FASLG: variants seen among roughly 807,000 people sequenced by gnomAD.
FASLG encodes the protein tumor necrosis factor ligand superfamily member 6.
Under a neutral mutation model 24.6 loss-of-function variants are expected in FASLG, and 9 were observed. The observed-to-expected ratio is 0.37, with a 90% CI of 0.22 to 0.64. The LOEUF is 0.64. Ranked by LOEUF, FASLG falls within the 30% of genes least tolerant of loss-of-function variation. The pLI, the probability that FASLG is intolerant of heterozygous loss-of-function variation, is 0.64. For synonymous variants in FASLG, 130 were observed against 135.5 expected (o/e 0.96, Z 0.28); for missense variants, 306 against 345.3 (o/e 0.89, Z 0.90).
At chr1:172,661,808 C>G (rs1659148724) in intron 2 of FASLG, among the ~76,000 whole-genome samples, 1 of 151,622 alleles carries the variant, frequency 6.6e-6, no homozygotes, top group Non-Finnish European at 1.5e-5. Context: ...GAGAAAAGTG[C>G]CTGTGCAAAC....
Position 172,665,499 on chromosome 1 carries a change from A to G in FASLG, c.452-123A>G, listed in dbSNP as rs1659238740. Reference sequence around the variant, plus strand: ...AAGTTCTGACCCCTCAGCCAGTTCTATACCAGCTGTCATTCTGGGTGAAAC... The same window carrying G: ...AAGTTCTGACCCCTCAGCCAGTTCTGTACCAGCTGTCATTCTGGGTGAAAC... On this transcript the variant is annotated intron_variant, in intron 3 of 3. Coordinates refer to ENST00000367721, the MANE Select transcript of FASLG (RefSeq NM_000639.3). 6 of 1,123,338 alleles carry G rather than the reference A, an allele frequency of 5.3e-6. No homozygotes were observed. The African/African-American group carries it at 6.1e-5, about 11-fold the overall frequency. The allele number at this position is 1,123,338 out of a possible 1,614,324, so 69.6% of individuals were successfully genotyped here. A position where few individuals can be genotyped will look rare whatever the true frequency, so the allele number is the denominator to read the frequency against.
At position 172,659,158 on chromosome 1, in the gene FASLG, G is replaced by A; in HGVS notation, c.-44G>A. 1 of 1,613,640 alleles carries A rather than the reference G, an allele frequency of 6.2e-7. No homozygotes were observed. Among genetic ancestry groups the A allele is most frequent in the Non-Finnish European group, 8.5e-7 (1 of 1,179,842 alleles). ...ACCTCAGCCTCTACAGGACTGAGAA[G>A]AAGTAAAACCGTTTGCTGGGGCTGG... is the stretch of plus-strand genomic sequence containing the variant. On this transcript the variant is annotated 5_prime_UTR_variant, in exon 1 of 4. Transcript: ENST00000367721.
intron 2 of FASLG, among the ~76,000 whole-genome samples, chr1:172,661,495 A>G (rs1659138918): frequency 6.6e-6 from 1 of 152,204 alleles, no homozygotes. Flanking sequence ...AAATAAGATC[A>G]TTTTGAAAAT....
chr1:172,661,617 C>G (rs1326554432), intron 2 of FASLG, among the ~76,000 whole-genome samples: 1 of 152,076 alleles, frequency 6.6e-6, no homozygotes, highest in African/African-American at 2.4e-5. Flanking sequence ...ATCCATCTAC[C>G]CCAGTAAGCA....
At chr1:172,660,960 G>T (rs1487697909) in intron 2 of FASLG, among the ~76,000 whole-genome samples, 1 of 152,196 alleles carries the variant, frequency 6.6e-6, no homozygotes, top group Non-Finnish European at 1.5e-5. Flanking sequence ...GTGGAAGGAA[G>T]CTTAGAATAT....
Position 172,666,617 on chromosome 1 carries a change from GT to G in FASLG, c.*602del, listed in dbSNP as rs1659275419. 2 of 68,444 alleles carry G rather than the reference GT, an allele frequency of 2.9e-5. No individual in the cohort carries two copies. Among genetic ancestry groups the G allele is most frequent in the South Asian group, 3.6e-4 (1 of 2,762 alleles). 4.2% of individuals were successfully genotyped at this position (68,444 alleles called of 1,614,324 possible). A position where few individuals can be genotyped will look rare whatever the true frequency, so the allele number is the denominator to read the frequency against. On this transcript the variant is annotated 3_prime_UTR_variant, in exon 4 of 4. Coordinates refer to ENST00000367721, the MANE Select transcript of FASLG (RefSeq NM_000639.3). ...GTGTATTTCCAGTGCAATTGTAGGG[GT>G]GTGTGTGTGTGTGTGTGTGTGTGTG...
intron 3 of FASLG, among the ~76,000 whole-genome samples, chr1:172,665,036 A>C (rs1176099347): frequency 6.6e-6 from 1 of 152,264 alleles, no homozygotes; most frequent in Non-Finnish European, 1.5e-5. Context: ...GGGGATGTGA[A>C]GATGAGTAGC....
At chr1:172,665,129 G>C (rs748332372) in intron 3 of FASLG, among the ~76,000 whole-genome samples, 1 of 152,138 alleles carries the variant, frequency 6.6e-6, no homozygotes, top group Non-Finnish European at 1.5e-5. Flanking sequence ...CAGAGATTTA[G>C]GTTATGTTCA....
In FASLG at chr1:172,666,855, G is replaced by A. The variant is rs976181899; in HGVS notation, c.*839G>A. 4.6e-5 allele frequency: 7 copies of A among 152,312 alleles called. No individual in the cohort carries two copies. Among genetic ancestry groups the A allele is most frequent in the Non-Finnish European group, 8.8e-5 (6 of 68,016 alleles). The allele number at this position is 152,312 out of a possible 1,614,324, so 9.4% of individuals were successfully genotyped here. A position where few individuals can be genotyped will look rare whatever the true frequency, so the allele number is the denominator to read the frequency against. On this transcript the variant is annotated 3_prime_UTR_variant, in exon 4 of 4. Transcript: ENST00000367721. The stretch of plus-strand genomic sequence containing the variant: ...GTGAAATGAAAACATGTAATAAAAA[G>A]TATATGTTAGGATACAAATAATTTT...
chr1:172,662,620 T>A (rs983112339), intron 2 of FASLG, among the ~76,000 whole-genome samples: 6 of 147,330 alleles, frequency 4.1e-5, no homozygotes. Context: ...GCTGTGTGCA[T>A]GTGCTGTGGA....
Position 172,659,437 on chromosome 1 carries a change from C to A in FASLG, c.236C>A (p.Thr79Lys), listed in dbSNP as rs375593395. 4 of 1,613,814 alleles carry A rather than the reference C, an allele frequency of 2.5e-6. No homozygotes were observed. The African/African-American group carries it at 4.0e-5, about 16-fold the overall frequency. Reference sequence around the variant, plus strand: ...CTGAAGAAGAGAGGGAACCACAGCACAGGCCTGTGTCTCCTTGTGATGTTT... The same window carrying A: ...CTGAAGAAGAGAGGGAACCACAGCAAAGGCCTGTGTCTCCTTGTGATGTTT... The part of the protein sequence containing the change: ...PPLKKRGNHS[T>K]GLCLLVMFFM... Residue 79 changes from threonine (T) to lysine (K), a missense_variant, in exon 1 of 4, where the codon ACA becomes AAA. Coordinates refer to ENST00000367721, the MANE Select transcript of FASLG (RefSeq NM_000639.3).
intron 3 of FASLG, among the ~76,000 whole-genome samples, chr1:172,664,941 G>T (rs1659227430): frequency 6.6e-6 from 1 of 152,206 alleles, no homozygotes; most frequent in Non-Finnish European, 1.5e-5. Flanking sequence ...GTAGGCTATT[G>T]TCCCTGGAAT....
In FASLG at chr1:172,666,153, G is replaced by A. The variant is rs951960740; in HGVS notation, c.*137G>A. On this transcript the variant is annotated 3_prime_UTR_variant, in exon 4 of 4. Coordinates refer to ENST00000367721, the MANE Select transcript of FASLG (RefSeq NM_000639.3). ...ACCAAGTGGACCTTGAGACCACAGG[G>A]TTCAAAATGTCTGTAGCTCCTCAAC... The A allele has an allele frequency of 6.1e-6, 6 of 987,354 alleles. No homozygotes were observed. Among genetic ancestry groups the A allele is most frequent in the Non-Finnish European group, 9.1e-6 (6 of 658,682 alleles). The allele number at this position is 987,354 out of a possible 1,614,324, so 61.2% of individuals were successfully genotyped here. A position where few individuals can be genotyped will look rare whatever the true frequency, so the allele number is the denominator to read the frequency against.
At chr1:172,659,915 G>A (rs1256502424) in intron 1 of FASLG, among the ~76,000 whole-genome samples, 180 bp from the exon 2 acceptor site, 3 of 152,116 alleles carry the variant, frequency 2.0e-5, no homozygotes, top group Non-Finnish European at 4.4e-5. Context: ...AAATTGGTAC[G>A]ATTCCAAATC....
In FASLG at chr1:172,665,966, C is replaced by T. The variant is rs35178418; in HGVS notation, c.796C>T (p.Leu266=). 3.5e-5 allele frequency: 57 copies of T among 1,614,046 alleles called. No individual in the cohort carries two copies. In the African/African-American group the frequency reaches 6.8e-4, roughly 19 times the overall value. ...ATATGTCAACGTATCTGAGCTCTCT[C>T]TGGTCAATTTTGAGGAATCTCAGAC... ...HLYVNVSELS[L]VNFEESQTFF... Residue 266 remains leucine (L), a synonymous_variant, in exon 4 of 4, where the codon CTG becomes TTG. Coordinates refer to ENST00000367721, the MANE Select transcript of FASLG (RefSeq NM_000639.3).
rs114462335 is a variant in FASLG, at chr1:172,660,663, G to T, written c.394+523G>T. ...ATAATCAATTCCCCACATTAGAATG[G>T]TTTTTCTTGAAGTCACTGAGAAGCT... On this transcript the variant is annotated intron_variant, in intron 2 of 3. Transcript: ENST00000367721. Among the ~76,000 whole-genome samples the T allele has an allele frequency of 4.5e-3, 687 of 152,300 alleles. 6 individuals carry two copies. The highest frequency in any genetic ancestry group is 0.015 in the African/African-American group (617 of 41,558).
chr1:172,665,798 A>G lies in FASLG; in HGVS notation c.628A>G (p.Lys210Glu). Residue 210 changes from lysine to glutamate, a missense_variant, in exon 4 of 4, where the codon AAG becomes GAG. Physicochemically the swap from Lys to Glu is moderately conservative, Grantham distance 56. Transcript: ENST00000367721. ...QSCNNLPLSH[K>E]VYMRNSKYPQ... ...TTGCAACAACCTGCCCCTGAGCCAC[A>G]AGGTCTACATGAGGAACTCTAAGTA... 6.2e-7 allele frequency: 1 copy of G among 1,614,160 alleles called. No individual in the cohort carries two copies. Among genetic ancestry groups the G allele is most frequent in the Non-Finnish European group, 8.5e-7 (1 of 1,180,030 alleles).
Position 172,664,338 on chromosome 1 carries a change from C to G in FASLG, c.399C>G (p.His133Gln). ...TTTCCTCTCTCTATGATACAGGCCA[C>G]CCCAGTCCACCCCCTGAAAAAAAGG... ...TASSLEKQIG[H>Q]PSPPPEKKEL... The change falls in exon 3 of 4, where the codon CAC becomes CAG. Residue 133 changes from histidine to glutamine, a missense_variant. Transcript: ENST00000367721. 1.2e-6 allele frequency: 2 copies of G among 1,613,802 alleles called. No homozygotes were observed. Among genetic ancestry groups the G allele is most frequent in the Non-Finnish European group, 1.7e-6 (2 of 1,179,828 alleles).
chr1:172,661,892 G>A (rs1659151188), intron 2 of FASLG, among the ~76,000 whole-genome samples: 2 of 152,016 alleles, frequency 1.3e-5, no homozygotes, highest in Admixed American at 6.6e-5. Flanking sequence ...CATAGCAAAA[G>A]CTTGTAACTA....
Sources: gnomAD v4.1 joint callset for allele counts (sites outside exome capture counted in the v4.1 genomes callset) on GRCh38, gnomAD v4.1.1 for gene constraint, MANE v1.5 for transcripts, NCBI Gene and HGNC (gene_info 2026-07-23, HGNC 2026-07-21) for gene names.